The following PCDHA7 variants were observed in gnomAD, a reference collection of about 807,000 sequenced individuals.
PCDHA7 encodes protocadherin alpha-7.
Under a neutral mutation model 57.2 loss-of-function variants are expected in PCDHA7, and 37 were observed. The observed-to-expected ratio is 0.65, with a 90% CI of 0.50 to 0.85. PCDHA7 has a LOEUF of 0.85. Ranked by LOEUF, PCDHA7 falls within the 40% of genes least tolerant of loss-of-function variation. The pLI is 0.00. For synonymous variants in PCDHA7, 553 were observed against 558.8 expected (o/e 0.99, Z 0.15); for missense variants, 1,188 against 1,241.8 (o/e 0.96, Z 0.65).
Position 140,848,043 on chromosome 5 carries a change from A to C in PCDHA7, c.2355+11305A>C, listed in dbSNP as rs115415885. On this transcript the variant is annotated intron_variant, in intron 1 of 3. Transcript: ENST00000525929. Reference sequence around the variant, plus strand: ...AAATTCGTGATTGCTCAATGGAATCATTTTAATTGTTACTTCATTTCTGTC... The same window carrying C: ...AAATTCGTGATTGCTCAATGGAATCCTTTTAATTGTTACTTCATTTCTGTC... 2.3e-3 allele frequency: 368 copies of C among 160,610 alleles called. 14 individuals carry two copies. Among genetic ancestry groups the C allele is most frequent in the African/African-American group, 8.0e-3 (330 of 41,090 alleles). 9.9% of individuals were successfully genotyped at this position (160,610 alleles called of 1,614,324 possible). A position where few individuals can be genotyped will look rare whatever the true frequency, so the allele number is the denominator to read the frequency against.
At chr5:140,897,485 A>G (rs1189975695) in intron 1 of PCDHA7, among the ~76,000 whole-genome samples, 2 of 151,884 alleles carry the variant, frequency 1.3e-5, no homozygotes, top group African/African-American at 4.8e-5. Flanking sequence ...GATGATTTCC[A>G]ATTTCAACCA....
intron 1 of PCDHA7, chr5:140,841,218 C>T: frequency 7.0e-7 from 1 of 1,431,458 alleles, no homozygotes; most frequent in Non-Finnish European, 9.4e-7. Flanking sequence ...CTCTAAAGGC[C>T]GAACAACGGG....
At chr5:140,848,690 G>T in intron 1 of PCDHA7, 2 of 1,592,462 alleles carry the variant, frequency 1.3e-6, no homozygotes, top group Non-Finnish European at 1.7e-6. Context: ...GCCTGTTCCA[G>T]TTGGATTCCA....
At chr5:140,898,400 C>T (rs1374307667) in intron 1 of PCDHA7, among the ~76,000 whole-genome samples, 1 of 152,178 alleles carries the variant, frequency 6.6e-6, no homozygotes, top group Non-Finnish European at 1.5e-5. Flanking sequence ...TTTCAGCTTT[C>T]TACATACGGC....
chr5:140,887,291 T>G (rs2153419358), intron 1 of PCDHA7, among the ~76,000 whole-genome samples: 1 of 152,074 alleles, frequency 6.6e-6, no homozygotes, highest in South Asian at 2.1e-4. Flanking sequence ...AGAGATGGGG[T>G]TTCATCTTGT....
At chr5:140,880,241 C>T (rs529552139) in intron 1 of PCDHA7, among the ~76,000 whole-genome samples, 12 of 150,302 alleles carry the variant, frequency 8.0e-5, no homozygotes, top group South Asian at 4.2e-4. Flanking sequence ...AGTGTATGTG[C>T]GTGTGTGTAT....
At chr5:140,848,643 C>T in intron 1 of PCDHA7, 1 of 1,593,248 alleles carries the variant, frequency 6.3e-7, no homozygotes, top group East Asian at 2.2e-5. Flanking sequence ...CCGCATCGCG[C>T]AGGACCTGGG....
intron 1 of PCDHA7, chr5:140,841,898 G>A: frequency 1.9e-6 from 3 of 1,613,824 alleles, no homozygotes; most frequent in African/African-American, 1.3e-5. Context: ...TAAACTGGTT[G>A]AGCTCGTATT....
intron 1 of PCDHA7, among the ~76,000 whole-genome samples, chr5:140,874,733 A>G (rs929245096): frequency 6.6e-6 from 1 of 152,244 alleles, no homozygotes; most frequent in Non-Finnish European, 1.5e-5. Context: ...TATCACATTC[A>G]AGCATCAAGG....
intron 1 of PCDHA7, among the ~76,000 whole-genome samples, chr5:140,845,552 T>C (rs2150379809): frequency 0.45 from 67,291 of 148,608 alleles, 18,811 homozygotes; most frequent in South Asian, 0.64. Context: ...ATGGTGATGC[T>C]TTTAGCTATT....
At chr5:140,875,056 G>C (rs1554167464) in intron 1 of PCDHA7, among the ~76,000 whole-genome samples, 1 of 152,176 alleles carries the variant, frequency 6.6e-6, no homozygotes, top group Non-Finnish European at 1.5e-5. Context: ...CTTTGAAGCA[G>C]AAAACATTTT....
At chr5:140,884,221 G>A in intron 1 of PCDHA7, 1 of 1,613,488 alleles carries the variant, frequency 6.2e-7, no homozygotes, top group East Asian at 2.2e-5. Context: ...TGGTGCTGGT[G>A]AAGGACCACG....
Position 140,853,680 on chromosome 5 carries a change from C to G in PCDHA7, c.2355+16942C>G, listed in dbSNP as rs142269623. 1,623 of 988,078 alleles carry G rather than the reference C, an allele frequency of 1.6e-3. 141 individuals are homozygous for G. The highest frequency in any genetic ancestry group is 5.6e-3 in the South Asian group (118 of 21,118). 61.2% of individuals were successfully genotyped at this position (988,078 alleles called of 1,614,324 possible). A position where few individuals can be genotyped will look rare whatever the true frequency, so the allele number is the denominator to read the frequency against. On this transcript the variant is annotated intron_variant, in intron 1 of 3. Transcript: ENST00000525929. Reference sequence around the variant, plus strand: ...AGACAAATTGGGGCCTATGGTCAACCTATCCTTAGACCTGCTAACGCATTA... The same window carrying G: ...AGACAAATTGGGGCCTATGGTCAACGTATCCTTAGACCTGCTAACGCATTA...
intron 1 of PCDHA7, among the ~76,000 whole-genome samples, chr5:140,960,541 C>G (rs1200507322): frequency 6.6e-6 from 1 of 151,924 alleles, no homozygotes; most frequent in African/African-American, 2.4e-5. Context: ...GAAACTGTGG[C>G]CTTCATATAG....
intron 1 of PCDHA7, among the ~76,000 whole-genome samples, chr5:140,901,586 T>C (rs550614771): frequency 9.2e-5 from 14 of 152,348 alleles, no homozygotes; most frequent in African/African-American, 3.4e-4. Context: ...AGTGCCATGA[T>C]GTTTTGGTTA....
intron 1 of PCDHA7, among the ~76,000 whole-genome samples, chr5:140,907,596 G>A (rs1554193068): frequency 2.0e-5 from 3 of 152,214 alleles, no homozygotes; most frequent in African/African-American, 7.2e-5. Flanking sequence ...ATCACCCTGA[G>A]GAATGGTGCC....
At chr5:140,974,320 CT>C (rs2096622624) in intron 1 of PCDHA7, among the ~76,000 whole-genome samples, 1 of 152,206 alleles carries the variant, frequency 6.6e-6, no homozygotes, top group Non-Finnish European at 1.5e-5. Context: ...GAGAGAGTAG[CT>C]GCTGTGCTAG....
intron 1 of PCDHA7, chr5:140,850,387 T>G: frequency 6.3e-7 from 1 of 1,597,588 alleles, no homozygotes. Flanking sequence ...ACGGGCGAGA[T>G]CAGCACAACG....
intron 1 of PCDHA7, among the ~76,000 whole-genome samples, chr5:140,898,780 C>A (rs1424563314): frequency 3.9e-5 from 6 of 152,106 alleles, no homozygotes; most frequent in African/African-American, 1.2e-4. Flanking sequence ...TTACCTTGGG[C>A]AGTATGGCCA....
Sources: gnomAD v4.1 joint callset for allele counts (sites outside exome capture counted in the v4.1 genomes callset) on GRCh38, gnomAD v4.1.1 for gene constraint, MANE v1.5 for transcripts, NCBI Gene and HGNC (gene_info 2026-07-23, HGNC 2026-07-21) for gene names.